The following RORA variants were observed in gnomAD, a reference collection of about 807,000 sequenced individuals.
RORA encodes nuclear receptor ROR-alpha.
A neutral mutation model predicts 69.5 loss-of-function variants in RORA; 7 were observed. That is an observed-to-expected ratio of 0.10 (90% CI 0.06 to 0.19). The LOEUF (loss-of-function observed/expected upper bound fraction) is 0.19. Ranked by LOEUF, RORA falls within the 10% of genes least tolerant of loss-of-function variation. RORA has a pLI of 1.00. For synonymous variants in RORA, 261 were observed against 240.8 expected (o/e 1.08, Z -0.78); for missense variants, 457 against 663.0 (o/e 0.69, Z 3.41).
intron 3 of RORA, among the ~76,000 whole-genome samples, chr15:60,518,327 C>T (rs1423420749): frequency 6.6e-6 from 1 of 152,244 alleles, no homozygotes; most frequent in African/African-American, 2.4e-5. Context: ...AACATAGAAG[C>T]ATATATTAAT....
intron 1 of RORA, among the ~76,000 whole-genome samples, chr15:61,159,637 C>CCATCGTGTTCCAAAA (rs1189156776): frequency 6.6e-6 from 1 of 152,188 alleles, no homozygotes; most frequent in Non-Finnish European, 1.5e-5. Flanking sequence ...AAATACCACA[C>CCATCGTGTTCCAAAA]TGTATTGCAT....
intron 1 of RORA, among the ~76,000 whole-genome samples, chr15:60,982,853 G>C (rs938949346): frequency 1.3e-5 from 2 of 152,012 alleles, no homozygotes; most frequent in African/African-American, 2.4e-5. Flanking sequence ...TTTTTTTCTA[G>C]CTTTTATAGA....
At chr15:60,996,873 G>A (rs1201683415) in intron 1 of RORA, among the ~76,000 whole-genome samples, 4 of 151,754 alleles carry the variant, frequency 2.6e-5, no homozygotes, top group Admixed American at 6.6e-5. Context: ...TCACGCCACT[G>A]CACTCCAGCC....
At chr15:60,621,767 G>A (rs1254729515) in intron 2 of RORA, among the ~76,000 whole-genome samples, 4 of 152,230 alleles carry the variant, frequency 2.6e-5, no homozygotes, top group South Asian at 2.1e-4. Context: ...AAGGGTGGGG[G>A]CCGGGCGCAG....
intron 1 of RORA, among the ~76,000 whole-genome samples, chr15:60,990,551 T>C (rs1200527184): frequency 6.6e-6 from 1 of 152,198 alleles, no homozygotes; most frequent in African/African-American, 2.4e-5. Context: ...ACCTTTATCA[T>C]GAATATTCTT....
intron 1 of RORA, among the ~76,000 whole-genome samples, chr15:60,751,727 T>C (rs1183183818): frequency 6.6e-6 from 1 of 152,118 alleles, no homozygotes; most frequent in Non-Finnish European, 1.5e-5. Context: ...CAGGTTGAGC[T>C]TGGTGTCGCT....
chr15:60,511,046 A>G lies in RORA; in HGVS notation c.820+180T>C, dbSNP rs1382092037. On this transcript the variant is annotated intron_variant, in intron 5 of 10. Transcript: ENST00000335670. This position sits in a 1 kb window ranked among gnomAD's most constrained non-coding sequence, Gnocchi z 6.4. ...GCTGAGAGGTCAATGCATGTATTGG[A>G]TAAACCATGGGAAACAGCAGAGGGT... Among the ~76,000 whole-genome samples, 7 of 152,336 alleles carry G rather than the reference A, an allele frequency of 4.6e-5. No individual in the cohort carries two copies. Among genetic ancestry groups the G allele is most frequent in the South Asian group, 2.1e-4 (1 of 4,826 alleles).
intron 1 of RORA, among the ~76,000 whole-genome samples, chr15:61,155,927 T>A (rs2079437875): frequency 6.6e-6 from 1 of 152,208 alleles, no homozygotes; most frequent in Non-Finnish European, 1.5e-5. Context: ...ACGGGCACTC[T>A]GGACTTTGTG....
chr15:61,186,123 T>C (rs549411020), intron 1 of RORA, among the ~76,000 whole-genome samples: 1 of 152,352 alleles, frequency 6.6e-6, no homozygotes, highest in South Asian at 2.1e-4. Flanking sequence ...TTGTTGAATT[T>C]AACTATTTAA....
At chr15:60,806,241 G>A (rs114915410) in intron 1 of RORA, among the ~76,000 whole-genome samples, 1 of 152,110 alleles carries the variant, frequency 6.6e-6, no homozygotes, top group African/African-American at 2.4e-5. Flanking sequence ...AAAAACTTTG[G>A]GGCAAAGGAA....
chr15:60,593,090 G>A, intron 2 of RORA: 1 of 354,506 alleles, frequency 2.8e-6, no homozygotes, highest in East Asian at 9.7e-5. Context: ...GACCGTCCGG[G>A]GAGTGGAGTA....
chr15:61,214,217 ATGT>A (rs1367258013), intron 1 of RORA: 1 of 152,224 alleles, frequency 6.6e-6, no homozygotes, highest in Admixed American at 6.5e-5. Flanking sequence ...TAATAAAGAG[ATGT>A]TGTCAAACGC....
At position 61,218,130 on chromosome 15, in the gene RORA, C is replaced by T. The variant is rs117196530; in HGVS notation, c.166+10923G>A. Among the ~76,000 whole-genome samples the T allele has an allele frequency of 2.4e-3, 366 of 152,096 alleles. 2 individuals are homozygous for T. The highest frequency in any genetic ancestry group is 4.3e-3 in the Admixed American group (65 of 15,282). On this transcript the variant is annotated intron_variant, in intron 1 of 10. Transcript: ENST00000335670. ...TGTATTTTAAATAATAGAGCAAACA[C>T]AATCACGCATCACAAGTGAAGGGTA...
At chr15:61,152,474 C>T (rs28758536) in intron 1 of RORA, among the ~76,000 whole-genome samples, 6,619 of 45,452 alleles carry the variant, frequency 0.15, 492 homozygotes, top group African/African-American at 0.28. Context: ...TTAAATGTTA[C>T]ATAATCATAT....
In RORA at chr15:60,881,715, G is replaced by C. The variant is rs112135338; in HGVS notation, c.167-203029C>G. 6.6e-3 allele frequency among the ~76,000 whole-genome samples: 1,004 copies of C among 152,236 alleles called. 11 individuals are homozygous for C. Among genetic ancestry groups the C allele is most frequent in the African/African-American group, 0.023 (961 of 41,538 alleles). On this transcript the variant is annotated intron_variant, in intron 1 of 10. Transcript: ENST00000335670. ...TTCTGAACAATGGTTGCATTAAAAA[G>C]TGTCCTTGAAGCAGAGAGACCACTC...
At chr15:61,011,139 C>T (rs1895074514) in intron 1 of RORA, among the ~76,000 whole-genome samples, 1 of 152,194 alleles carries the variant, frequency 6.6e-6, no homozygotes, top group Non-Finnish European at 1.5e-5. Context: ...CCACCCCCCT[C>T]ATTCAACTGC....
chr15:60,508,078 T>G (rs1323317146), intron 5 of RORA, among the ~76,000 whole-genome samples: 1 of 152,240 alleles, frequency 6.6e-6, no homozygotes, highest in African/African-American at 2.4e-5. Context: ...TTTTAGACAC[T>G]TTGCTATTTT....
At chr15:60,926,376 C>T (rs1050973691) in intron 1 of RORA, among the ~76,000 whole-genome samples, 4 of 152,186 alleles carry the variant, frequency 2.6e-5, no homozygotes, top group Non-Finnish European at 2.9e-5. Context: ...GTCTCACACT[C>T]CCCAACAGGC....
intron 1 of RORA, among the ~76,000 whole-genome samples, chr15:60,818,984 C>T (rs2072852487): frequency 6.6e-6 from 1 of 152,238 alleles, no homozygotes; most frequent in Non-Finnish European, 1.5e-5. Context: ...CCACTGTTTG[C>T]CTATCTTAAA....
Sources: gnomAD v4.1 joint callset for allele counts (sites outside exome capture counted in the v4.1 genomes callset) on GRCh38, gnomAD v4.1.1 for gene constraint, Gnocchi (gnomAD v3.1) non-coding constraint, MANE v1.5 for transcripts, NCBI Gene and HGNC (gene_info 2026-07-23, HGNC 2026-07-21) for gene names.